The following AK8 variants were observed in gnomAD, a reference collection of about 807,000 sequenced individuals.
AK8 encodes the protein ATP-AMP transphosphorylase 8.
In AK8, 44 loss-of-function variants were observed where a neutral mutation model predicts 54.6. The ratio of observed to expected loss-of-function variants is 0.81; its 90% confidence interval spans 0.63 to 1.04. AK8 has a LOEUF of 1.04. AK8 is among the 50% of genes least tolerant of loss of function. AK8 has a pLI of 0.00. For missense variants in AK8, 555 were observed against 613.6 expected, an observed-to-expected ratio of 0.90 and a Z score of 1.01; for synonymous variants, 239 against 245.6, an observed-to-expected ratio of 0.97 and a Z score of 0.25.
At chr9:132,877,638 C>T (rs1460264111) in intron 1 of AK8, 3 of 331,164 alleles carry the variant, frequency 9.1e-6, no homozygotes, top group South Asian at 2.3e-5. Flanking sequence ...TTCGGAGCTG[C>T]CGGGGACGTC....
At chr9:132,761,264 C>CTTTTTT in intron 11 of AK8, among the ~76,000 whole-genome samples, 1 of 100,102 alleles carries the variant, frequency 1.0e-5, no homozygotes, top group African/African-American at 5.2e-5. Flanking sequence ...CTTTTCTTTT[C>CTTTTTT]TTTTCTTTTT....
chr9:132,852,718 C>T (rs1274848306), intron 5 of AK8, among the ~76,000 whole-genome samples: 4 of 131,028 alleles, frequency 3.1e-5, no homozygotes, highest in Non-Finnish European at 4.6e-5. Flanking sequence ...TGCAGTGAGC[C>T]GAGATCATGC....
intron 7 of AK8, 75 bp downstream of exon 7, chr9:132,827,938 G>C (rs1036025983): frequency 6.6e-5 from 96 of 1,458,326 alleles, no homozygotes; most frequent in Non-Finnish European, 7.8e-5. Context: ...GCGAGGTCAG[G>C]AAATGGTAGA....
chr9:132,750,049 A>G (rs1285232051), intron 11 of AK8, among the ~76,000 whole-genome samples: 1 of 148,548 alleles, frequency 6.7e-6, no homozygotes, highest in East Asian at 2.2e-4. Flanking sequence ...TGCCATGTGT[A>G]CGCATCTTGG....
intron 11 of AK8, among the ~76,000 whole-genome samples, chr9:132,745,738 G>A (rs1423069800): frequency 6.6e-6 from 1 of 151,998 alleles, no homozygotes; most frequent in Non-Finnish European, 1.5e-5. Flanking sequence ...CCAGTGCAAG[G>A]GTCCCTCAAG....
At chr9:132,737,254 C>CATTAAACATACA (rs1837165273) in intron 11 of AK8, among the ~76,000 whole-genome samples, 1 of 152,152 alleles carries the variant, frequency 6.6e-6, no homozygotes, top group Admixed American at 6.5e-5. Flanking sequence ...TAATGAGGTT[C>CATTAAACATACA]TGAATACATG....
intron 11 of AK8, among the ~76,000 whole-genome samples, chr9:132,732,860 A>G (rs1378459273): frequency 3.3e-5 from 5 of 152,160 alleles, no homozygotes; most frequent in Non-Finnish European, 7.4e-5. Flanking sequence ...CAAAGGACAC[A>G]TCATATATCC....
chr9:132,812,082 T>C (rs541852376), intron 10 of AK8, among the ~76,000 whole-genome samples: 1 of 152,276 alleles, frequency 6.6e-6, no homozygotes, highest in East Asian at 1.9e-4. Flanking sequence ...TGAAACTATA[T>C]ACATTAGGTT....
chr9:132,822,921 C>T (rs182795199), intron 9 of AK8, among the ~76,000 whole-genome samples: 618 of 152,216 alleles, frequency 4.1e-3, no homozygotes, highest in Admixed American at 6.3e-3. Context: ...ACAAACCCCC[C>T]GCTCCAAAGG....
At chr9:132,788,217 A>G (rs754371192) in intron 11 of AK8, among the ~76,000 whole-genome samples, 1 of 152,160 alleles carries the variant, frequency 6.6e-6, no homozygotes, top group Non-Finnish European at 1.5e-5. Flanking sequence ...AGGAAAAACA[A>G]AAAAAAGCTA....
intron 10 of AK8, among the ~76,000 whole-genome samples, chr9:132,794,461 C>G (rs114005504): frequency 6.6e-6 from 1 of 152,192 alleles, no homozygotes; most frequent in African/African-American, 2.4e-5. Context: ...CTCAGGGCCA[C>G]GGTGTGATGT....
intron 11 of AK8, among the ~76,000 whole-genome samples, chr9:132,775,867 T>A (rs1205940198): frequency 2.0e-5 from 3 of 152,254 alleles, no homozygotes; most frequent in African/African-American, 7.2e-5. Context: ...ATTCACTGTA[T>A]TTTTATACTC....
chr9:132,738,752 C>CTTT (rs754082140), intron 11 of AK8, among the ~76,000 whole-genome samples: 42 of 120,766 alleles, frequency 3.5e-4, no homozygotes, highest in African/African-American at 5.4e-4. Flanking sequence ...ATGTTCATGA[C>CTTT]TTTTTTTTTT....
At chr9:132,786,589 T>G (rs1438412516) in intron 11 of AK8, among the ~76,000 whole-genome samples, 2 of 152,114 alleles carry the variant, frequency 1.3e-5, no homozygotes, top group East Asian at 3.9e-4. Flanking sequence ...TGTTGACACT[T>G]GGTGGGAGGG....
At chr9:132,863,627 T>C (rs1254225027) in intron 4 of AK8, 38 bp downstream of exon 4, 6 of 1,458,252 alleles carry the variant, frequency 4.1e-6, no homozygotes, top group Non-Finnish European at 5.8e-6. Flanking sequence ...TGGGCACTGC[T>C]GCTGTGTGCC....
chr9:132,873,104 C>T (rs1159107154), intron 2 of AK8, among the ~76,000 whole-genome samples: 3 of 152,202 alleles, frequency 2.0e-5, no homozygotes, highest in African/African-American at 7.2e-5. Flanking sequence ...TGAGCCACCG[C>T]ACCCAGCCAA....
At chr9:132,824,196 C>T (rs1456392222) in intron 8 of AK8, among the ~76,000 whole-genome samples, 1 of 152,360 alleles carries the variant, frequency 6.6e-6, no homozygotes, top group East Asian at 1.9e-4. Flanking sequence ...GCTGTAAAGG[C>T]AGCATTTCGG....
At chr9:132,871,410 G>C (rs1039891857) in intron 2 of AK8, among the ~76,000 whole-genome samples, 32 of 152,206 alleles carry the variant, frequency 2.1e-4, no homozygotes, top group Non-Finnish European at 1.5e-5. Context: ...TTCCATTTCA[G>C]TGGTTGGGGC....
intron 10 of AK8, among the ~76,000 whole-genome samples, chr9:132,800,021 TTAATTTCCATTTCACACAACC>T: frequency 6.6e-6 from 1 of 152,328 alleles, no homozygotes; most frequent in South Asian, 2.1e-4. Context: ...GTTTTGTTTT[TTAATTTCCATTTCACACAACC>T]TGGTGCCTGA....
Sources: gnomAD v4.1 joint callset for allele counts (sites outside exome capture counted in the v4.1 genomes callset) on GRCh38, gnomAD v4.1.1 for gene constraint, MANE v1.5 for transcripts, NCBI Gene and HGNC (gene_info 2026-07-23, HGNC 2026-07-21) for gene names.